The following SYCP2L variants were observed in gnomAD, a reference collection of about 807,000 sequenced individuals.
SYCP2L encodes synaptonemal complex protein 2-like.
Under a neutral mutation model 125.8 loss-of-function variants are expected in SYCP2L, and 98 were observed. The ratio of observed to expected loss-of-function variants is 0.78; its 90% CI spans 0.66 to 0.92. The LOEUF is 0.92. Among genes scored for constraint, SYCP2L ranks in the 40% least tolerant of loss-of-function variants. SYCP2L has a pLI of 0.00. For missense variants in SYCP2L, 842 were observed against 936.4 expected, an observed-to-expected ratio of 0.90 and a Z score of 1.32; for synonymous variants, 317 against 325.4, an observed-to-expected ratio of 0.97 and a Z score of 0.28.
intron 23 of SYCP2L, among the ~76,000 whole-genome samples, chr6:10,944,686 T>C (rs1038070089): frequency 1.3e-5 from 2 of 152,030 alleles, no homozygotes; most frequent in Non-Finnish European, 2.9e-5. Flanking sequence ...ATATTTGTCA[T>C]TATTTACTTT....
rs1296103958 is a variant in SYCP2L, at chr6:10,943,014, CCTT to C, written c.1954+271_1954+273del. Among the ~76,000 whole-genome samples, 6 of 152,224 alleles carry C rather than the reference CCTT, an allele frequency of 3.9e-5. No individual in the cohort carries two copies. In the East Asian group the frequency reaches 1.2e-3, roughly 29 times the overall value. On this transcript the variant is annotated intron_variant, in intron 23 of 29. Coordinates refer to ENST00000283141, the MANE Select transcript of SYCP2L (RefSeq NM_001040274.3). ...ACCTGAATCCCACCAGCCAGTCACA[CCTT>C]CTCTCCAGCCTCAGAGGAGGGCACA...
At chr6:10,940,618 T>C (rs996630751) in intron 21 of SYCP2L, among the ~76,000 whole-genome samples, 3 of 152,094 alleles carry the variant, frequency 2.0e-5, no homozygotes, top group African/African-American at 7.2e-5. Context: ...ATATACGGAA[T>C]GTAAAAAAGT....
intron 8 of SYCP2L, 148 bp from the exon 9 acceptor site, chr6:10,905,872 A>G (rs938308224): frequency 3.5e-6 from 2 of 574,430 alleles, no homozygotes; most frequent in African/African-American, 3.7e-5. Flanking sequence ...TTTTCCATAA[A>G]TATGTGTTGG....
At chr6:10,948,639 T>A (rs190480990) in intron 23 of SYCP2L, among the ~76,000 whole-genome samples, 27 of 151,948 alleles carry the variant, frequency 1.8e-4, no homozygotes, top group African/African-American at 6.3e-4. Context: ...TAATGAGCTT[T>A]ACATCTACAC....
chr6:10,917,507 C>T (rs1382734072), intron 14 of SYCP2L, among the ~76,000 whole-genome samples: 1 of 152,168 alleles, frequency 6.6e-6, no homozygotes, highest in Non-Finnish European at 1.5e-5. Flanking sequence ...ATGTCTTTTT[C>T]CACGCCTTTA....
At chr6:10,887,530 A>G (rs1408592694) in intron 1 of SYCP2L, among the ~76,000 whole-genome samples, 1 of 152,172 alleles carries the variant, frequency 6.6e-6, no homozygotes, top group Non-Finnish European at 1.5e-5. Context: ...ACCGAACGAC[A>G]AAGGACAGCC....
intron 29 of SYCP2L, among the ~76,000 whole-genome samples, chr6:10,967,916 G>A (rs1781708116): frequency 6.6e-6 from 1 of 152,178 alleles, no homozygotes; most frequent in Non-Finnish European, 1.5e-5. Context: ...TGTAAAGAAA[G>A]TAGAGAGAAG....
intron 29 of SYCP2L, among the ~76,000 whole-genome samples, chr6:10,964,961 G>A (rs1268107238): frequency 2.0e-5 from 3 of 152,162 alleles, no homozygotes; most frequent in Non-Finnish European, 4.4e-5. Context: ...GAAGTGAATT[G>A]GGAGGATGGT....
Position 10,912,551 on chromosome 6 carries a change from A to T in SYCP2L, c.919-122A>T. The T allele has an allele frequency of 2.9e-6, 2 of 685,696 alleles. No individual in the cohort carries two copies. Among genetic ancestry groups the T allele is most frequent in the Non-Finnish European group, 4.9e-6 (2 of 411,436 alleles). The allele number at this position is 685,696 out of a possible 1,614,324, so 42.5% of individuals were successfully genotyped here. ...AAAAGAGTCAGTCAATAGAGGCCCTATAATGCTAGGATAATGCTGTTCCAG... is the reference window on the plus strand; with the variant it reads ...AAAAGAGTCAGTCAATAGAGGCCCTTTAATGCTAGGATAATGCTGTTCCAG... On this transcript the variant is annotated intron_variant, in intron 12 of 29. Coordinates refer to ENST00000283141, the MANE Select transcript of SYCP2L (RefSeq NM_001040274.3). The surrounding 1 kb of genome is among the most constrained non-coding windows in gnomAD (Gnocchi z 4.1).
At chr6:10,927,861 C>T (rs1166073462) in intron 17 of SYCP2L, among the ~76,000 whole-genome samples, 1 of 152,070 alleles carries the variant, frequency 6.6e-6, no homozygotes, top group African/African-American at 2.4e-5. Context: ...CCCAAGGGGG[C>T]CATTTTAGAG....
At chr6:10,942,090 T>C (rs1350221291) in intron 21 of SYCP2L, among the ~76,000 whole-genome samples, 1 of 132,418 alleles carries the variant, frequency 7.6e-6, no homozygotes, top group Non-Finnish European at 1.5e-5. Context: ...AGGTGGGAAT[T>C]GAACAATGAG....
In SYCP2L at chr6:10,955,174, T is replaced by C; in HGVS notation, c.2013T>C (p.Ala671=). The C allele has an allele frequency of 6.2e-7, 1 of 1,613,658 alleles. No homozygotes were observed. The highest frequency in any genetic ancestry group is 1.7e-4 in the Middle Eastern group (1 of 6,060). ...AATCAAGATTGGAAGAAGAGGTTGC[T>C]CCGGGATCCCCTTTCTCAATAACAG... The part of the protein sequence containing the change: ...SQQSRLEEEV[A]PGSPFSITEE... The change falls in exon 24 of 30, where the codon GCT becomes GCC. Residue 671 remains alanine, a synonymous_variant. Transcript: ENST00000283141.
At chr6:10,926,558 G>C in intron 16 of SYCP2L, 126 bp downstream of exon 16, 1 of 673,196 alleles carries the variant, frequency 1.5e-6, no homozygotes, top group Non-Finnish European at 2.6e-6. Flanking sequence ...ACTTCTGGAG[G>C]AAGAAGAGTT....
rs112062826 is a variant in SYCP2L, at chr6:10,965,013, G to A, written c.*37+1170G>A. The stretch of plus-strand genomic sequence containing the variant: ...AAGACTTCATTGTCCATGTTGAGGA[G>A]TTTGAATTTTATACTAAGGGTTAGA... On this transcript the variant is annotated intron_variant, in intron 29 of 29. Coordinates refer to ENST00000283141, the MANE Select transcript of SYCP2L (RefSeq NM_001040274.3). 2.5e-3 allele frequency among the ~76,000 whole-genome samples: 375 copies of A among 152,282 alleles called. 1 individual carries two copies. Among genetic ancestry groups the A allele is most frequent in the African/African-American group, 8.5e-3 (355 of 41,556 alleles).
chr6:10,958,069 A>C (rs754623055), intron 25 of SYCP2L, among the ~76,000 whole-genome samples: 6 of 152,184 alleles, frequency 3.9e-5, no homozygotes, highest in Non-Finnish European at 8.8e-5. Context: ...ATTAACTTAG[A>C]TCTCCAGAGT....
intron 10 of SYCP2L, among the ~76,000 whole-genome samples, chr6:10,907,892 GTTTTTTTT>G (rs551103839): frequency 2.2e-5 from 2 of 91,938 alleles, no homozygotes; most frequent in African/African-American, 8.3e-5. Flanking sequence ...ATACAGATAG[GTTTTTTTT>G]TTTTTTTTTT....
chr6:10,937,630 A>G (rs75604150), intron 21 of SYCP2L, among the ~76,000 whole-genome samples: 3,329 of 152,258 alleles, frequency 0.022, 163 homozygotes, highest in East Asian at 0.22. Flanking sequence ...GTTCAATGAA[A>G]CTAAGAGTTT....
chr6:10,894,848 C>T (rs979360225), intron 4 of SYCP2L, among the ~76,000 whole-genome samples: 5 of 152,028 alleles, frequency 3.3e-5, no homozygotes, highest in Admixed American at 2.6e-4. Context: ...TGTTTATTGA[C>T]GAGGAGATGT....
intron 14 of SYCP2L, among the ~76,000 whole-genome samples, chr6:10,918,727 G>A (rs1407863273): frequency 2.6e-5 from 4 of 152,008 alleles, no homozygotes; most frequent in Admixed American, 6.6e-5. Context: ...AGTAGAGACG[G>A]GTTTCACCAT....
Sources: gnomAD v4.1 joint callset for allele counts (sites outside exome capture counted in the v4.1 genomes callset) on GRCh38, gnomAD v4.1.1 for gene constraint, Gnocchi (gnomAD v3.1) non-coding constraint, MANE v1.5 for transcripts, NCBI Gene and HGNC (gene_info 2026-07-23, HGNC 2026-07-21) for gene names.